Variants in HMGA2 observed in about 807,000 individuals in gnomAD.
HMGA2 encodes high mobility group AT-hook 2.
A neutral mutation model predicts 19.1 loss-of-function variants in HMGA2; 8 were observed. The observed-to-expected ratio is 0.42, with a 90% CI of 0.25 to 0.76. HMGA2 has a LOEUF of 0.76. HMGA2 is among the 30% of genes least tolerant of loss of function. HMGA2 has a pLI of 0.28. For synonymous variants in HMGA2, 60 were observed against 48.8 expected (o/e 1.23, Z -0.96); for missense variants, 109 against 136.3 (o/e 0.80, Z 1.00).
intron 4 of HMGA2, 143 bp downstream of exon 4, chr12:65,951,558 C>A: frequency 3.1e-6 from 2 of 641,188 alleles, no homozygotes; most frequent in Non-Finnish European, 5.6e-6. Flanking sequence ...TGTGTTGTAG[C>A]CTTCAAAGTT....
intron 3 of HMGA2, among the ~76,000 whole-genome samples, chr12:65,847,091 TAC>T (rs573003944): frequency 9.5e-4 from 144 of 152,168 alleles, no homozygotes; most frequent in Middle Eastern, 3.4e-3. Flanking sequence ...ACTATATATA[TAC>T]ACACACACAC....
intron 3 of HMGA2, among the ~76,000 whole-genome samples, chr12:65,854,645 T>C (rs769501522): frequency 6.6e-6 from 1 of 152,220 alleles, no homozygotes; most frequent in Non-Finnish European, 1.5e-5. Context: ...ATGTGTGCCA[T>C]GGTGGTTTGC....
At chr12:65,951,457 A>C (rs898699036) in intron 4 of HMGA2, 42 bp downstream of exon 4, 28 of 1,248,300 alleles carry the variant, frequency 2.2e-5, no homozygotes, top group Non-Finnish European at 3.1e-5. Context: ...ATTAATATAA[A>C]AAGTGAAATA....
intron 3 of HMGA2, among the ~76,000 whole-genome samples, chr12:65,897,643 G>A (rs1874184292): frequency 6.6e-6 from 1 of 152,184 alleles, no homozygotes; most frequent in Non-Finnish European, 1.5e-5. Context: ...TGGGTGAAAA[G>A]CAATGCTTAT....
At chr12:65,921,768 C>T (rs1406532206) in intron 3 of HMGA2, among the ~76,000 whole-genome samples, 1 of 152,206 alleles carries the variant, frequency 6.6e-6, no homozygotes, top group African/African-American at 2.4e-5. Context: ...CCATCACAGG[C>T]CTGGAGATCC....
At chr12:65,861,335 C>A (rs866620521) in intron 3 of HMGA2, among the ~76,000 whole-genome samples, 1 of 152,024 alleles carries the variant, frequency 6.6e-6, no homozygotes, top group Non-Finnish European at 1.5e-5. Context: ...CACCGCACCT[C>A]CAGCCTGGCG....
chr12:65,961,345 G>A (rs113797502), intron 4 of HMGA2, among the ~76,000 whole-genome samples: 3 of 152,170 alleles, frequency 2.0e-5, no homozygotes, highest in Admixed American at 6.6e-5. Context: ...TCTCTCTTTC[G>A]TCTGCCCATG....
intron 3 of HMGA2, among the ~76,000 whole-genome samples, chr12:65,849,018 C>T (rs571411816): frequency 6.6e-6 from 1 of 152,298 alleles, no homozygotes; most frequent in South Asian, 2.1e-4. Context: ...CATGGAGGAA[C>T]ATGGACTCAT....
intron 3 of HMGA2, chr12:65,881,925 G>A (rs1214620220): frequency 5.7e-6 from 4 of 701,432 alleles, no homozygotes; most frequent in Non-Finnish European, 7.8e-6. Flanking sequence ...GCTGCAGAAG[G>A]CATGGAGAGA....
At chr12:65,961,661 G>A (rs986541984) in intron 4 of HMGA2, among the ~76,000 whole-genome samples, 4 of 152,084 alleles carry the variant, frequency 2.6e-5, no homozygotes, top group African/African-American at 9.7e-5. Context: ...CTCAGTCTTC[G>A]GGGGGAAAGA....
intron 3 of HMGA2, among the ~76,000 whole-genome samples, chr12:65,950,437 A>C (rs1004256936): frequency 2.0e-5 from 3 of 152,212 alleles, no homozygotes; most frequent in African/African-American, 7.2e-5. Context: ...CAGTGAAAGA[A>C]GCCACACACA....
intron 3 of HMGA2, among the ~76,000 whole-genome samples, chr12:65,841,055 A>G (rs1870974420): frequency 6.6e-6 from 1 of 152,312 alleles, no homozygotes; most frequent in African/African-American, 2.4e-5. Context: ...TTCAGTTTAC[A>G]TCTACCTTTC....
At chr12:65,916,845 G>A (rs1441093399) in intron 3 of HMGA2, among the ~76,000 whole-genome samples, 1 of 152,212 alleles carries the variant, frequency 6.6e-6, no homozygotes, top group Non-Finnish European at 1.5e-5. Context: ...AATAGAAAGA[G>A]GAAGCTGGTG....
At chr12:65,881,501 G>A in intron 3 of HMGA2, 1 of 565,518 alleles carries the variant, frequency 1.8e-6, no homozygotes, top group Non-Finnish European at 3.1e-6. Context: ...CTTAATAGTA[G>A]CAGAACAAAA....
intron 2 of HMGA2, among the ~76,000 whole-genome samples, chr12:65,836,364 GAAA>G (rs58470265): frequency 1.9e-5 from 2 of 104,778 alleles, no homozygotes; most frequent in African/African-American, 5.7e-5. Flanking sequence ...GTCTCAAAAA[GAAA>G]AAAAAAAAAA....
intron 3 of HMGA2, among the ~76,000 whole-genome samples, chr12:65,910,546 A>G (rs147910197): frequency 1.8e-3 from 280 of 152,330 alleles, no homozygotes; most frequent in Non-Finnish European, 3.4e-3. Flanking sequence ...ATATGAACGC[A>G]TGTAGTTGAT....
chr12:65,929,986 G>A (rs185686405), intron 3 of HMGA2, among the ~76,000 whole-genome samples: 4 of 152,148 alleles, frequency 2.6e-5, no homozygotes, highest in Admixed American at 2.6e-4. Flanking sequence ...GTAGAGGGGG[G>A]AAACCATGAA....
At chr12:65,955,766 ATCT>A (rs1482247025) in intron 4 of HMGA2, 10 of 152,240 alleles carry the variant, frequency 6.6e-5, no homozygotes, top group African/African-American at 2.4e-4. Flanking sequence ...TGCAAGTAAC[ATCT>A]TCTGTGGGTG....
chr12:65,871,302 A>G (rs760439502), intron 3 of HMGA2, among the ~76,000 whole-genome samples: 2 of 152,148 alleles, frequency 1.3e-5, no homozygotes, highest in Non-Finnish European at 2.9e-5. Context: ...CTGCTTTCCT[A>G]CTACAGTGGC....
Sources: gnomAD v4.1 joint callset for allele counts (sites outside exome capture counted in the v4.1 genomes callset) on GRCh38, gnomAD v4.1.1 for gene constraint, MANE v1.5 for transcripts, NCBI Gene and HGNC (gene_info 2026-07-23, HGNC 2026-07-21) for gene names.